SIK3: variants seen among roughly 807,000 people sequenced by gnomAD.
SIK3 encodes SIK family kinase 3.
A neutral mutation model predicts 144.2 loss-of-function variants in SIK3; 28 were observed. The ratio of observed to expected loss-of-function variants is 0.19; its 90% CI spans 0.14 to 0.27. The LOEUF is 0.27. Among genes scored for constraint, SIK3 ranks in the 10% least tolerant of loss-of-function variants. SIK3 has a pLI of 1.00. For missense variants in SIK3, 1,319 were observed against 1,776.0 expected (o/e 0.74, Z 4.62); for synonymous variants, 686 against 676.3 (o/e 1.01, Z -0.22).
At chr11:116,955,671 AG>A (rs1268557497) in intron 2 of SIK3, among the ~76,000 whole-genome samples, 3 of 152,196 alleles carry the variant, frequency 2.0e-5, no homozygotes, top group Admixed American at 6.5e-5. Flanking sequence ...TCAGCCCATC[AG>A]GATAGGAAGG....
chr11:116,960,507 T>A (rs374428887), intron 1 of SIK3, among the ~76,000 whole-genome samples: 1 of 152,128 alleles, frequency 6.6e-6, no homozygotes. Context: ...TGCAACAGAA[T>A]GAGACACTTT....
At chr11:117,064,234 A>G (rs1953917175) in intron 1 of SIK3, among the ~76,000 whole-genome samples, 1 of 152,172 alleles carries the variant, frequency 6.6e-6, no homozygotes, top group East Asian at 1.9e-4. Flanking sequence ...AGGAAAAACA[A>G]TAATTTAGAG....
In SIK3 at chr11:116,873,929, G is replaced by T; in HGVS notation, c.1555C>A (p.Gln519Lys). The part of the protein sequence containing the change: ...MHNLLPMQNL[Q>K]PTGQLEYKEQ... Reference sequence around the variant, plus strand: ...TTGTACTCAAGTTGCCCGGTTGGTTGCAAGTTTTGCATAGGCAACAGGTTG... The same window carrying T: ...TTGTACTCAAGTTGCCCGGTTGGTTTCAAGTTTTGCATAGGCAACAGGTTG... Residue 519 changes from glutamine to lysine, a missense_variant, in exon 12 of 25, where the codon CAA becomes AAA. Physicochemically the swap from Gln to Lys is moderately conservative, Grantham distance 53. Coordinates refer to ENST00000445177, the MANE Select transcript of SIK3 (RefSeq NM_001366686.3). 2 of 1,613,188 alleles carry T rather than the reference G, an allele frequency of 1.2e-6. No homozygotes were observed. The highest frequency in any genetic ancestry group is 1.7e-5 in the Admixed American group (1 of 59,808).
intron 9 of SIK3, 69 bp downstream of exon 9, chr11:116,875,797 G>A: frequency 1.3e-6 from 2 of 1,504,498 alleles, no homozygotes; most frequent in Non-Finnish European, 1.8e-6. Context: ...TAGGGTTAGT[G>A]AGCAACAGCT....
At position 116,867,189 on chromosome 11, in the gene SIK3, C is replaced by T. The variant is rs754880622; in HGVS notation, c.1952+757G>A. Among the ~76,000 whole-genome samples the T allele has an allele frequency of 1.3e-5, 2 of 152,144 alleles. No individual in the cohort carries two copies. The highest frequency in any genetic ancestry group is 2.9e-5 in the Non-Finnish European group (2 of 68,014). On this transcript the variant is annotated intron_variant, in intron 15 of 24. Transcript: ENST00000445177. This position sits in a 1 kb window ranked among gnomAD's most constrained non-coding sequence, Gnocchi z 4.1. ...TCTAGTAACTGGTGGTGGCTTTGAA[C>T]GTGTGGGCCATGAGCTTGGGGATAG...
Position 117,030,984 on chromosome 11 carries a change from G to C in SIK3, c.273+67159C>G, listed in dbSNP as rs151080973. On this transcript the variant is annotated intron_variant, in intron 1 of 24. Coordinates refer to ENST00000445177, the MANE Select transcript of SIK3 (RefSeq NM_001366686.3). ...GAAATGTTCCTTAACATCTTTTGCT[G>C]TTTTCTAATTGGATTACTTGGGGTT... Among the ~76,000 whole-genome samples, 313 of 152,260 alleles carry C rather than the reference G, an allele frequency of 2.1e-3. 3 individuals are homozygous for C. The highest frequency in any genetic ancestry group is 7.0e-3 in the African/African-American group (292 of 41,562).
intron 1 of SIK3, among the ~76,000 whole-genome samples, chr11:117,065,368 CTATTA>C (rs1002487229): frequency 6.3e-4 from 96 of 151,906 alleles, no homozygotes; most frequent in African/African-American, 2.2e-3. Flanking sequence ...GTCCATTAGT[CTATTA>C]GAATAATCAC....
chr11:116,851,892 C>T (rs1942480966), intron 21 of SIK3, among the ~76,000 whole-genome samples: 1 of 152,232 alleles, frequency 6.6e-6, no homozygotes, highest in African/African-American at 2.4e-5. Flanking sequence ...TGCCAAGAAG[C>T]AATGCGAGCA....
intron 3 of SIK3, among the ~76,000 whole-genome samples, chr11:116,944,246 G>T (rs981026479): frequency 2.6e-5 from 4 of 152,098 alleles, no homozygotes; most frequent in African/African-American, 9.7e-5. Flanking sequence ...GCAGTCTCTG[G>T]GTTCTTGGAA....
At chr11:116,886,963 T>G (rs1395825671) in intron 6 of SIK3, among the ~76,000 whole-genome samples, 1 of 152,214 alleles carries the variant, frequency 6.6e-6, no homozygotes, top group Non-Finnish European at 1.5e-5. Context: ...TGGGATGCTC[T>G]GAGAAGTTTA....
Position 117,098,347 on chromosome 11 carries a change from C to A in SIK3, c.69G>T (p.Ala23=). The A allele has an allele frequency of 8.7e-7, 1 of 1,151,810 alleles. No individual in the cohort carries two copies. The highest frequency in any genetic ancestry group is 1.1e-6 in the Non-Finnish European group (1 of 939,608). 71.3% of individuals were successfully genotyped at this position (1,151,810 alleles called of 1,614,324 possible). Residue 23 remains alanine, a synonymous_variant, in exon 1 of 25, where the codon GCG becomes GCT. Transcript: ENST00000445177. Reference sequence around the variant, plus strand: ...GCGCGGGCGGAGGCAGCAGGCGGCCCGCGGGCCCGGCTCCCCCAGTCCCGG... The same window carrying A: ...GCGCGGGCGGAGGCAGCAGGCGGCCAGCGGGCCCGGCTCCCCCAGTCCCGG... ...AGAGTGGAGP[A]GRLLPPPAPG...
chr11:116,941,820 T>C (rs1591382965), intron 3 of SIK3, among the ~76,000 whole-genome samples: 1 of 152,310 alleles, frequency 6.6e-6, no homozygotes, highest in Non-Finnish European at 1.5e-5. Flanking sequence ...TGGTCTCAAA[T>C]AGGAAGTTTG....
In SIK3 at chr11:116,844,365, C is replaced by T. The variant is rs1294655137; in HGVS notation, c.*1278G>A. Reference sequence around the variant, plus strand: ...TCAAATAGAACAGAATCTGGTTAAACATTTCTCATTTAAACAAAAATTCCT... The same window carrying T: ...TCAAATAGAACAGAATCTGGTTAAATATTTCTCATTTAAACAAAAATTCCT... On this transcript the variant is annotated 3_prime_UTR_variant, in exon 25 of 25. Coordinates refer to ENST00000445177, the MANE Select transcript of SIK3 (RefSeq NM_001366686.3). 3.3e-5 allele frequency: 5 copies of T among 151,700 alleles called. No individual in the cohort carries two copies. Among genetic ancestry groups the T allele is most frequent in the Non-Finnish European group, 5.9e-5 (4 of 67,944 alleles). The allele number at this position is 151,700 out of a possible 1,614,324, so 9.4% of individuals were successfully genotyped here.
chr11:117,021,945 A>AAAAAAAAAAAAAAAAAAAAC (rs1951789620), intron 1 of SIK3, among the ~76,000 whole-genome samples: 1 of 112,972 alleles, frequency 8.9e-6, no homozygotes, highest in African/African-American at 4.2e-5. Flanking sequence ...AAAAAAAAAA[A>AAAAAAAAAAAAAAAAAAAAC]AAAAAAAAAA....
chr11:116,958,358 G>A (rs576969450), intron 1 of SIK3, among the ~76,000 whole-genome samples: 17 of 152,256 alleles, frequency 1.1e-4, no homozygotes, highest in Middle Eastern at 3.4e-3. Context: ...GAGGACCCAC[G>A]GGAGAAAGGC....
intron 1 of SIK3, among the ~76,000 whole-genome samples, chr11:117,004,587 A>G (rs1377410355): frequency 1.3e-5 from 2 of 152,218 alleles, no homozygotes; most frequent in Non-Finnish European, 2.9e-5. Flanking sequence ...GGGTAAGTGC[A>G]TTTTGCTAAT....
intron 1 of SIK3, among the ~76,000 whole-genome samples, chr11:117,093,807 T>G (rs182750294): frequency 2.5e-4 from 38 of 152,250 alleles, no homozygotes; most frequent in Non-Finnish European, 5.1e-4. Context: ...GCAAACTTTT[T>G]TTTTACCAGG....
intron 12 of SIK3, 98 bp from the exon 13 acceptor site, chr11:116,873,734 G>T: frequency 1.4e-6 from 2 of 1,479,752 alleles, no homozygotes; most frequent in Non-Finnish European, 1.8e-6. Flanking sequence ...GGAGCCATGG[G>T]TCATGACAGA....
At chr11:116,917,733 A>AAGAG (rs146697165) in intron 4 of SIK3, among the ~76,000 whole-genome samples, 4 of 147,610 alleles carry the variant, frequency 2.7e-5, no homozygotes, top group East Asian at 2.0e-4. Context: ...GAGGAAGGGA[A>AAGAG]AGAGAGAGAG....
Sources: allele counts gnomAD v4.1 joint callset (sites outside exome capture counted in the v4.1 genomes callset), GRCh38; gene constraint gnomAD v4.1.1; non-coding constraint Gnocchi (gnomAD v3.1); transcripts MANE v1.5; gene names NCBI Gene and HGNC (gene_info 2026-07-23, HGNC 2026-07-21).